Variants in ABHD5 observed in about 807,000 individuals in gnomAD.
ABHD5 encodes abhydrolase domain containing 5, lysophosphatidic acid acyltransferase.
A neutral mutation model predicts 44.9 loss-of-function variants in ABHD5; 30 were observed. The observed-to-expected ratio is 0.67, with a 90% CI of 0.50 to 0.91. The LOEUF (loss-of-function observed/expected upper bound fraction) is 0.91. Ranked by LOEUF, ABHD5 falls within the 40% of genes least tolerant of loss-of-function variation. ABHD5 has a pLI of 0.00. For missense variants in ABHD5, 399 were observed against 423.4 expected, an observed-to-expected ratio of 0.94 and a Z score of 0.50; for synonymous variants, 167 against 147.0, an observed-to-expected ratio of 1.14 and a Z score of -0.99.
At chr3:43,696,077 A>G (rs1219418156) in intron 1 of ABHD5, among the ~76,000 whole-genome samples, 3 of 152,220 alleles carry the variant, frequency 2.0e-5, no homozygotes, top group African/African-American at 7.2e-5. Context: ...GGGGCTGTGT[A>G]GAAAACTTTT....
chr3:43,731,983 A>G (rs1225282327), intron 7 of ABHD5, among the ~76,000 whole-genome samples: 1 of 152,184 alleles, frequency 6.6e-6, no homozygotes, highest in Non-Finnish European at 1.5e-5. Flanking sequence ...GAGAAAACTC[A>G]CCACCCATGA....
At chr3:43,705,022 A>G (rs927856682) in intron 3 of ABHD5, among the ~76,000 whole-genome samples, 2 of 152,170 alleles carry the variant, frequency 1.3e-5, no homozygotes, top group African/African-American at 2.4e-5. Context: ...CAAAATAATG[A>G]TGTTTTCTGG....
chr3:43,700,266 T>C (rs1338239284), intron 2 of ABHD5, among the ~76,000 whole-genome samples: 1 of 152,172 alleles, frequency 6.6e-6, no homozygotes, highest in Non-Finnish European at 1.5e-5. Context: ...CCCCTTTTTT[T>C]TCCTTCTTAT....
intron 7 of ABHD5, among the ~76,000 whole-genome samples, chr3:43,730,269 T>C (rs1472196302): frequency 6.6e-6 from 1 of 152,180 alleles, no homozygotes; most frequent in Non-Finnish European, 1.5e-5. Context: ...TGCCAACTAG[T>C]TCACACCAGC....
chr3:43,728,830 A>C lies in ABHD5; in HGVS notation c.*30-5050A>C, dbSNP rs901561789. On this transcript the variant is annotated intron_variant, in intron 7 of 7. Transcript: ENST00000454293. ...TAGAGTGGACACCAGTGAGCCTTAC[A>C]CGTAAAGCCTGCGTGCTTCCTGGTT... is the stretch of plus-strand genomic sequence containing the variant. Among the ~76,000 whole-genome samples, 68 of 152,294 alleles carry C rather than the reference A, an allele frequency of 4.5e-4. No individual in the cohort carries two copies. The Middle Eastern group carries it at 0.01, about 23-fold the overall frequency.
chr3:43,694,032 G>A (rs1352922559), intron 1 of ABHD5, among the ~76,000 whole-genome samples: 1 of 151,448 alleles, frequency 6.6e-6, no homozygotes, highest in Non-Finnish European at 1.5e-5. Flanking sequence ...TTCTGGCCGG[G>A]CGCCGTGGTT....
chr3:43,731,622 G>A (rs141346045), intron 7 of ABHD5, among the ~76,000 whole-genome samples: 3,134 of 152,106 alleles, frequency 0.021, 61 homozygotes, highest in South Asian at 0.066. Context: ...ACCTGAGGTC[G>A]GGAGTTCACA....
rs549567748 is a variant in ABHD5, at chr3:43,691,167, C to T, written c.47+128C>T. The T allele has an allele frequency of 3.5e-5, 34 of 959,528 alleles. No homozygotes were observed. In the South Asian group the frequency reaches 8.7e-4, roughly 25 times the overall value. 59.4% of individuals were successfully genotyped at this position (959,528 alleles called of 1,614,324 possible). A position where few individuals can be genotyped will look rare whatever the true frequency, so the allele number is the denominator to read the frequency against. ...GGCGACGACGGGCGGCTTCCTCGAC[C>T]CTCCCCGGCATGAGTCCGCGCGGCG... is the stretch of plus-strand genomic sequence containing the variant. On this transcript the variant is annotated intron_variant, in intron 1 of 6. Coordinates refer to ENST00000644371, the MANE Select transcript of ABHD5 (RefSeq NM_016006.6).
chr3:43,699,225 T>C, intron 1 of ABHD5, 51 bp from the exon 2 acceptor site: 1 of 1,463,830 alleles, frequency 6.8e-7, no homozygotes, highest in Middle Eastern at 1.7e-4. Flanking sequence ...CAATTGGTAG[T>C]TGAGAAGAGC....
chr3:43,699,423 T>G, intron 2 of ABHD5, 62 bp downstream of exon 2: 2 of 1,428,158 alleles, frequency 1.4e-6, no homozygotes, highest in Non-Finnish European at 2.0e-6. Context: ...ATATATCTCA[T>G]TGCCCTGAAA....
At chr3:43,714,863 C>A in intron 4 of ABHD5, 84 bp from the exon 5 acceptor site, 1 of 929,694 alleles carries the variant, frequency 1.1e-6, no homozygotes, top group Non-Finnish European at 1.7e-6. Context: ...ATTACACAGA[C>A]AAGCACTAAA....
At chr3:43,728,426 T>A (rs1260538623) in intron 7 of ABHD5, among the ~76,000 whole-genome samples, 2 of 152,182 alleles carry the variant, frequency 1.3e-5, no homozygotes. Flanking sequence ...ACTTCTACAT[T>A]GCTGATGAAA....
At position 43,722,589 on chromosome 3, in the gene ABHD5, TA is replaced by T. The variant is rs2084849964; in HGVS notation, c.*4059del. The T allele has an allele frequency of 6.6e-6, 1 of 152,168 alleles. No individual in the cohort carries two copies. The allele number at this position is 152,168 out of a possible 1,614,324, so 9.4% of individuals were successfully genotyped here. On this transcript the variant is annotated 3_prime_UTR_variant, in exon 7 of 7. Transcript: ENST00000644371. The stretch of plus-strand genomic sequence containing the variant: ...GCAACTCTTAAAACTAAAACAAACT[TA>T]ACAGTCTGTCAAGTTGGTGATATAA...
In ABHD5 at chr3:43,718,534, C is replaced by G. The variant is rs951479877; in HGVS notation, c.*2C>G. ...GAGATCTGCGACACTGTGGACTGAA[C>G]ACACTGAAGCTCTGATGGGAAAACC... On this transcript the variant is annotated 3_prime_UTR_variant, in exon 7 of 7. Transcript: ENST00000644371. 3 of 1,613,688 alleles carry G rather than the reference C, an allele frequency of 1.9e-6. No individual in the cohort carries two copies. The highest frequency in any genetic ancestry group is 1.3e-5 in the African/African-American group (1 of 74,916).
intron 2 of ABHD5, among the ~76,000 whole-genome samples, chr3:43,700,021 T>G (rs897840117): frequency 6.6e-6 from 1 of 152,146 alleles, no homozygotes; most frequent in Non-Finnish European, 1.5e-5. Context: ...GAGAACAGAT[T>G]CTAGGTGTTT....
chr3:43,690,886 A>C, upstream of ABHD5: 1 of 1,276,578 alleles, frequency 7.8e-7, no homozygotes, highest in Non-Finnish European at 1.0e-6. Context: ...CGGAAGACGC[A>C]TGCGCTGGCG....
chr3:43,725,913 A>T (rs1455313602), downstream of ABHD5, among the ~76,000 whole-genome samples: 1 of 151,234 alleles, frequency 6.6e-6, no homozygotes, highest in African/African-American at 2.4e-5. Context: ...TCTGTTGCCC[A>T]GGCTGGAGTG....
At chr3:43,701,525 G>A (rs947583193) in intron 2 of ABHD5, among the ~76,000 whole-genome samples, 3 of 152,136 alleles carry the variant, frequency 2.0e-5, no homozygotes, top group African/African-American at 7.2e-5. Context: ...AGTGTTTAAA[G>A]TATTTAGTTC....
rs1241646957 is a variant in ABHD5 at position 43,721,697 on chromosome 3, A to T, written c.*3165A>T. On this transcript the variant is annotated 3_prime_UTR_variant, in exon 7 of 7. Coordinates refer to ENST00000644371, the MANE Select transcript of ABHD5 (RefSeq NM_016006.6). ...CACTCCAGCCTGGGTGACAGAGAAG[A>T]AAAAAGATTTTTTTGGATAGCTGAA... The T allele has an allele frequency of 6.6e-6, 1 of 152,134 alleles. No individual in the cohort carries two copies. Among genetic ancestry groups the T allele is most frequent in the Non-Finnish European group, 1.5e-5 (1 of 68,020 alleles). 9.4% of individuals were successfully genotyped at this position (152,134 alleles called of 1,614,324 possible).
Sources: allele counts gnomAD v4.1 joint callset (sites outside exome capture counted in the v4.1 genomes callset), GRCh38; gene constraint gnomAD v4.1.1; transcripts MANE v1.5; gene names NCBI Gene and HGNC (gene_info 2026-07-23, HGNC 2026-07-21).